RAB36: variants seen among roughly 807,000 people sequenced by gnomAD.
The protein encoded by RAB36 is ras-related protein Rab-36.
Under a neutral mutation model 39.3 loss-of-function variants are expected in RAB36, and 33 were observed. The observed-to-expected ratio is 0.84, with a 90% CI of 0.64 to 1.12. RAB36 has a LOEUF of 1.12. Ranked by LOEUF, RAB36 falls within the 50% of genes most tolerant of loss-of-function variation. The pLI is 0.00. For missense variants in RAB36, 308 were observed against 355.3 expected (o/e 0.87, Z 1.07); for synonymous variants, 133 against 140.2 (o/e 0.95, Z 0.36).
intron 5 of RAB36, among the ~76,000 whole-genome samples, chr22:23,154,805 C>T (rs971346698): frequency 2.0e-5 from 3 of 152,214 alleles, no homozygotes; most frequent in South Asian, 2.1e-4. Flanking sequence ...GCCCAAACTT[C>T]TGTGTCATAC....
At position 23,153,129 on chromosome 22, in the gene RAB36, C is replaced by G. The variant is rs1230687539; in HGVS notation, c.324C>G (p.Leu108=). 6.2e-7 allele frequency: 1 copy of G among 1,613,366 alleles called. No individual in the cohort carries two copies. Among genetic ancestry groups the G allele is most frequent in the South Asian group, 1.1e-5 (1 of 91,070 alleles). Residue 108 remains leucine, a synonymous_variant, in exon 5 of 11, where the codon CTC becomes CTG. Transcript: ENST00000263116. ...RFEIAGIPYS[L]QIWDTAGQEK... is the part of the protein sequence containing the mutation. ...AGATTGCTGGGATTCCCTATAGCCT[C>G]CAGATGTAAGTTGCTGGTTCCCCCA...
chr22:23,159,180 G>A lies in RAB36; in HGVS notation c.546G>A (p.Glu182=). Residue 182 remains glutamate, a synonymous_variant, in exon 9 of 11, where the codon GAG becomes GAA. Coordinates refer to ENST00000263116, the MANE Select transcript of RAB36 (RefSeq NM_004914.5). ...TCTCCCAGTCAGGGGCCGCATGTGA[G>A]CAGGCCGAAGCAGACGCTGTGCACC... ...KKDLLSGAAC[E]QAEADAVHLA... is the part of the protein sequence containing the mutation. 1 of 1,611,212 alleles carries A rather than the reference G, an allele frequency of 6.2e-7. No homozygotes were observed. Among genetic ancestry groups the A allele is most frequent in the Non-Finnish European group, 8.5e-7 (1 of 1,179,086 alleles).
At position 23,158,937 on chromosome 22, in the gene RAB36, C is replaced by A; in HGVS notation, c.486C>A (p.Gly162=). ...LEDALRENEA[G]SCFIFLVGTK... ...ATGCTCTGAGGGAGAACGAGGCAGG[C>A]TCCTGCTTCATCTTCCTCGTGGGAA... The change falls in exon 8 of 11, where the codon GGC becomes GGA. Residue 162 remains glycine, a synonymous_variant. Coordinates refer to ENST00000263116, the MANE Select transcript of RAB36 (RefSeq NM_004914.5). The A allele has an allele frequency of 6.2e-7, 1 of 1,614,226 alleles. No individual in the cohort carries two copies. The highest frequency in any genetic ancestry group is 1.3e-5 in the African/African-American group (1 of 75,070).
chr22:23,168,747 A>T (rs528298495), downstream of RAB36, among the ~76,000 whole-genome samples: 3 of 152,122 alleles, frequency 2.0e-5, no homozygotes, highest in East Asian at 5.8e-4. Flanking sequence ...GCCACCAGCC[A>T]GTGTCTAAGC....
Position 23,159,160 on chromosome 22 carries a change from C to A in RAB36, c.529-3C>A. On this transcript the variant is annotated splice_polypyrimidine_tract_variant and splice_region_variant and intron_variant, in intron 8 of 10. Transcript: ENST00000263116. ...CTGGGTCAACAAGGGCCATTTCTCC[C>A]AGTCAGGGGCCGCATGTGAGCAGGC... 6.2e-7 allele frequency: 1 copy of A among 1,610,984 alleles called. No homozygotes were observed. The highest frequency in any genetic ancestry group is 2.2e-5 in the East Asian group (1 of 44,750).
rs1401951556 is a variant in RAB36 at position 23,164,770 on chromosome 22, T to G, written c.*3206T>G. ...TGCTCTCTGTCCATCTGTGTGTCCT[T>G]CCGTTCACCTGTCTCTTCTGCTGGA... On this transcript the variant is annotated 3_prime_UTR_variant, in exon 11 of 11. Transcript: ENST00000263116. Among the ~76,000 whole-genome samples, 1 of 152,102 alleles carries G rather than the reference T, an allele frequency of 6.6e-6. No individual in the cohort carries two copies. Among genetic ancestry groups the G allele is most frequent in the Non-Finnish European group, 1.5e-5 (1 of 68,014 alleles).
intron 7 of RAB36, 102 bp downstream of exon 7, chr22:23,158,145 G>A (rs2071565150): frequency 6.4e-7 from 1 of 1,550,850 alleles, no homozygotes; most frequent in Admixed American, 2.0e-5. Flanking sequence ...CGTGGTGGGT[G>A]TGAGTGACCA....
At position 23,164,987 on chromosome 22, in the gene RAB36, G is replaced by A. The variant is rs112015166; in HGVS notation, c.*3423G>A. Among the ~76,000 whole-genome samples the A allele has an allele frequency of 3.5e-5, 5 of 144,732 alleles. No homozygotes were observed. The highest frequency in any genetic ancestry group is 4.4e-4 in the East Asian group (2 of 4,514). 94.9% of individuals were successfully genotyped at this position (144,732 alleles called of 152,430 possible). On this transcript the variant is annotated 3_prime_UTR_variant, in exon 11 of 11. Transcript: ENST00000263116. ...GCCAGACCCCTCTTCTGTGCCCAAC[G>A]GCTGGGACACCCCTACTCCCAGAGA...
At chr22:23,157,865 T>C (rs1320780459) in intron 6 of RAB36, 127 bp from the exon 7 acceptor site, 1 of 1,559,734 alleles carries the variant, frequency 6.4e-7, no homozygotes, top group African/African-American at 1.4e-5. Flanking sequence ...TTGTAGGAGG[T>C]TCCGGTGCTG....
chr22:23,167,476 G>A (rs1390051289), downstream of RAB36, among the ~76,000 whole-genome samples: 1 of 152,072 alleles, frequency 6.6e-6, no homozygotes, highest in Non-Finnish European at 1.5e-5. Flanking sequence ...TCCCAGCCCT[G>A]CTGCAGGCCT....
intron 5 of RAB36, 32 bp from the exon 6 acceptor site, chr22:23,155,935 AC>A (rs2071422739): frequency 6.3e-7 from 1 of 1,583,980 alleles, no homozygotes; most frequent in African/African-American, 1.4e-5. Context: ...GTAGCCTGAC[AC>A]CATTTCCCTT....
rs769136815 is a variant in RAB36, at chr22:23,150,071, G to A, written c.78G>A (p.Thr26=). Residue 26 remains threonine (T), a synonymous_variant, in exon 3 of 11, where the codon ACG becomes ACA. Coordinates refer to ENST00000263116, the MANE Select transcript of RAB36 (RefSeq NM_004914.5). The part of the protein sequence containing the change: ...RVIASFPKWY[T]PEACLQLREH... Reference sequence around the variant, plus strand: ...TGTCTGTCTCTTTGCAGTGGTACACGCCGGAAGCCTGTTTGCAGCTCAGGG... The same window carrying A: ...TGTCTGTCTCTTTGCAGTGGTACACACCGGAAGCCTGTTTGCAGCTCAGGG... The A allele has an allele frequency of 5.6e-6, 9 of 1,608,452 alleles. No individual in the cohort carries two copies. The highest frequency in any genetic ancestry group is 1.7e-5 in the Admixed American group (1 of 59,136).
At position 23,156,028 on chromosome 22, in the gene RAB36, C is replaced by T. The variant is rs1268594151; in HGVS notation, c.390C>T (p.Ala130=). 1 of 1,611,856 alleles carries T rather than the reference C, an allele frequency of 6.2e-7. No individual in the cohort carries two copies. The highest frequency in any genetic ancestry group is 8.5e-7 in the Non-Finnish European group (1 of 1,178,956). The change falls in exon 6 of 11, where the codon GCC becomes GCT. Residue 130 remains alanine, a synonymous_variant. Coordinates refer to ENST00000263116, the MANE Select transcript of RAB36 (RefSeq NM_004914.5). ...KCIASAYYRG[A]QVIITAFDLT... is the part of the protein sequence containing the mutation. ...TCGCATCTGCCTACTACCGGGGTGCCCAGGGTGAGCAACATGCCACGTCGG... is the reference window on the plus strand; with the variant it reads ...TCGCATCTGCCTACTACCGGGGTGCTCAGGGTGAGCAACATGCCACGTCGG...
chr22:23,152,472 C>G lies in RAB36; in HGVS notation c.173C>G (p.Ser58Cys). The change falls in exon 4 of 11, where the codon TCC (serine) becomes TGC (cysteine). Residue 58 changes from serine to cysteine, a missense_variant. Ser to Cys is a moderately radical substitution (Grantham distance 112). Transcript: ENST00000263116. ...RNTGTVGLKL[S>C]KVVVVGDLYV... is the part of the protein sequence containing the mutation. ...CATATTTCTCACAGGCTCAAACTCT[C>G]CAAGGTGGTGGTGGTTGGCGATCTC... is the stretch of plus-strand genomic sequence containing the variant. 1 of 1,614,174 alleles carries G rather than the reference C, an allele frequency of 6.2e-7. No homozygotes were observed. Among genetic ancestry groups the G allele is most frequent in the Non-Finnish European group, 8.5e-7 (1 of 1,180,036 alleles).
intron 7 of RAB36, 113 bp downstream of exon 7, chr22:23,158,156 G>A: frequency 2.6e-6 from 4 of 1,533,816 alleles, no homozygotes; most frequent in South Asian, 2.5e-5. Flanking sequence ...TGAGTGACCA[G>A]GGCCCCTTGT....
downstream of RAB36, among the ~76,000 whole-genome samples, chr22:23,168,543 C>A (rs578184908): frequency 4.6e-5 from 7 of 152,318 alleles, no homozygotes; most frequent in Non-Finnish European, 7.3e-5. Flanking sequence ...GTGTGAGATG[C>A]GATGCCCTCC....
intron 2 of RAB36, among the ~76,000 whole-genome samples, 169 bp downstream of exon 2, chr22:23,146,854 C>T (rs2070806594): frequency 6.6e-6 from 1 of 152,110 alleles, no homozygotes; most frequent in African/African-American, 2.4e-5. Flanking sequence ...AAGGTGGGAC[C>T]GCAAGTTAAT....
Position 23,150,162 on chromosome 22 carries a change from T to C in RAB36, c.161+8T>C, listed in dbSNP as rs2071023807. 1 of 1,604,994 alleles carries C rather than the reference T, an allele frequency of 6.2e-7. No individual in the cohort carries two copies. Among genetic ancestry groups the C allele is most frequent in the Non-Finnish European group, 8.5e-7 (1 of 1,174,706 alleles). On this transcript the variant is annotated splice_region_variant and intron_variant, in intron 3 of 10. Transcript: ENST00000263116. ...GAACACGGGGACTGTCGGGTGAGCC[T>C]GCAGGGTGTGGGATGGGGGAGCAGG...
intron 5 of RAB36, among the ~76,000 whole-genome samples, chr22:23,153,782 C>T (rs2071302911): frequency 6.7e-6 from 1 of 149,416 alleles, no homozygotes; most frequent in East Asian, 2.0e-4. Context: ...CTGCAACCTC[C>T]ACTTCAAGCG....
Sources: gnomAD v4.1 joint callset for allele counts (sites outside exome capture counted in the v4.1 genomes callset) on GRCh38, gnomAD v4.1.1 for gene constraint, MANE v1.5 for transcripts, NCBI Gene and HGNC (gene_info 2026-07-23, HGNC 2026-07-21) for gene names.